RGS7: variants seen among roughly 807,000 people sequenced by gnomAD.
RGS7 encodes the protein regulator of G-protein signaling 7.
RGS7 carries 27 observed loss-of-function variants against 81.1 expected under a neutral mutation model. The observed-to-expected ratio is 0.33, with a 90% CI of 0.25 to 0.46. The LOEUF is 0.46. Ranked by LOEUF, RGS7 falls within the 20% of genes least tolerant of loss-of-function variation. The pLI, the probability that RGS7 is intolerant of heterozygous loss-of-function variation, is 1.00. For synonymous variants in RGS7, 208 were observed against 207.7 expected (o/e 1.00, Z -0.01); for missense variants, 396 against 607.4 (o/e 0.65, Z 3.66).
intron 2 of RGS7, among the ~76,000 whole-genome samples, chr1:241,292,827 A>G (rs943837545): frequency 1.3e-5 from 2 of 152,258 alleles, no homozygotes; most frequent in African/African-American, 2.4e-5. Flanking sequence ...GATAGCACAG[A>G]AACAATTATT....
chr1:240,811,280 C>A (rs929591296), intron 14 of RGS7, among the ~76,000 whole-genome samples: 1 of 152,198 alleles, frequency 6.6e-6, no homozygotes, highest in African/African-American at 2.4e-5. Flanking sequence ...AAAATCCACT[C>A]TAATGTCTTA....
At chr1:240,798,160 AAC>A (rs1406419964) in intron 18 of RGS7, among the ~76,000 whole-genome samples, 1 of 152,152 alleles carries the variant, frequency 6.6e-6, no homozygotes, top group Non-Finnish European at 1.5e-5. Context: ...TGTGCATGCA[AAC>A]AATGACCAAA....
chr1:240,872,891 AGATGCT>A (rs1664739040), intron 6 of RGS7, among the ~76,000 whole-genome samples: 1 of 152,098 alleles, frequency 6.6e-6, no homozygotes, highest in Admixed American at 6.6e-5. Flanking sequence ...AGTGTGGCCA[AGATGCT>A]GAAACCTCGT....
chr1:240,813,930 T>G (rs1247705763), intron 12 of RGS7, among the ~76,000 whole-genome samples: 1 of 152,182 alleles, frequency 6.6e-6, no homozygotes, highest in Admixed American at 6.5e-5. Flanking sequence ...TGGCTAAAGA[T>G]TCCATCTCTA....
At chr1:241,137,734 G>C (rs776745458) in intron 2 of RGS7, among the ~76,000 whole-genome samples, 9 of 152,200 alleles carry the variant, frequency 5.9e-5, no homozygotes, top group Non-Finnish European at 1.2e-4. Flanking sequence ...GCAATGGCAG[G>C]AGTATCTATA....
At chr1:241,356,473 A>C (rs2083579450) in intron 1 of RGS7, among the ~76,000 whole-genome samples, 1 of 152,128 alleles carries the variant, frequency 6.6e-6, no homozygotes, top group African/African-American at 2.4e-5. Flanking sequence ...AATCCTGCCT[A>C]ATTTTTGCAA....
At chr1:240,937,092 C>T (rs971973759) in intron 4 of RGS7, among the ~76,000 whole-genome samples, 1 of 152,170 alleles carries the variant, frequency 6.6e-6, no homozygotes, top group Non-Finnish European at 1.5e-5. Context: ...AACGGACAGC[C>T]TCTCCCTTCC....
intron 6 of RGS7, among the ~76,000 whole-genome samples, chr1:240,882,204 C>G (rs749711620): frequency 6.6e-6 from 1 of 152,154 alleles, no homozygotes; most frequent in Non-Finnish European, 1.5e-5. Flanking sequence ...CATGAGCCAC[C>G]GTGCCCGGCC....
At chr1:240,800,299 G>C (rs1273075205) in intron 18 of RGS7, among the ~76,000 whole-genome samples, 1 of 152,032 alleles carries the variant, frequency 6.6e-6, no homozygotes, top group Non-Finnish European at 1.5e-5. Context: ...TTAATTCCTG[G>C]AGTCCATCAT....
intron 3 of RGS7, among the ~76,000 whole-genome samples, chr1:241,033,385 T>C (rs1441717827): frequency 6.6e-6 from 1 of 151,932 alleles, no homozygotes; most frequent in Non-Finnish European, 1.5e-5. Flanking sequence ...GGGAGGAAAG[T>C]TCCATAGGCA....
At chr1:241,019,014 G>A (rs78079646) in intron 3 of RGS7, among the ~76,000 whole-genome samples, 1,577 of 152,166 alleles carry the variant, frequency 0.01, 23 homozygotes, top group African/African-American at 0.036. Context: ...CCCTGCGAAG[G>A]CCATGAGGGG....
intron 2 of RGS7, among the ~76,000 whole-genome samples, chr1:241,189,928 C>G (rs1023252756): frequency 4.6e-5 from 7 of 151,772 alleles, no homozygotes; most frequent in East Asian, 3.9e-4. Context: ...ACGGTGAAAC[C>G]CCGTCTCTAC....
chr1:241,012,384 G>A (rs1050490945), intron 3 of RGS7, among the ~76,000 whole-genome samples: 2 of 152,104 alleles, frequency 1.3e-5, no homozygotes, highest in Non-Finnish European at 2.9e-5. Context: ...TGCAAGAAAA[G>A]GAAGGCAGAG....
chr1:241,244,339 C>T (rs989947827), intron 2 of RGS7, among the ~76,000 whole-genome samples: 5 of 152,154 alleles, frequency 3.3e-5, no homozygotes, highest in Middle Eastern at 3.4e-3. Context: ...TTTATGCAGC[C>T]AAAAGACACA....
intron 2 of RGS7, among the ~76,000 whole-genome samples, chr1:241,206,960 GTTTTTTTTTTT>G (rs67087891): frequency 4.1e-4 from 29 of 70,708 alleles, no homozygotes; most frequent in Non-Finnish European, 6.2e-4. Flanking sequence ...TCTCTCTCTG[GTTTTTTTTTTT>G]TTTTTTTTTT....
In RGS7 at chr1:241,320,961, T is replaced by C. The variant is rs532412338; in HGVS notation, c.78+34738A>G. 9.2e-5 allele frequency among the ~76,000 whole-genome samples: 14 copies of C among 152,348 alleles called. No homozygotes were observed. The South Asian group carries it at 2.7e-3, about 29-fold the overall frequency. ...TCATCAATGTAAATACCCAATGTTA[T>C]GTGATTAGAATGGGCATAAAAAATA... is the stretch of plus-strand genomic sequence containing the variant. On this transcript the variant is annotated intron_variant, in intron 2 of 18. Transcript: ENST00000440928.
At chr1:241,307,247 CTCCCTCCTAATGAATT>C (rs2080233008) in intron 2 of RGS7, among the ~76,000 whole-genome samples, 1 of 152,156 alleles carries the variant, frequency 6.6e-6, no homozygotes, top group East Asian at 1.9e-4. Context: ...TCTCTTTCTA[CTCCCTCCTAATGAATT>C]TAAGTGTTTG....
chr1:240,948,344 C>G (rs1346289477), intron 4 of RGS7, among the ~76,000 whole-genome samples: 1 of 152,008 alleles, frequency 6.6e-6, no homozygotes, highest in Non-Finnish European at 1.5e-5. Context: ...AATATGAGAG[C>G]GGAAATGGAT....
intron 3 of RGS7, among the ~76,000 whole-genome samples, chr1:241,087,150 G>A (rs1475546074): frequency 2.6e-5 from 4 of 152,116 alleles, no homozygotes; most frequent in Admixed American, 2.0e-4. Context: ...GCTCCTGAAC[G>A]ATGTTTAATT....
Sources: gnomAD v4.1 joint callset for allele counts (sites outside exome capture counted in the v4.1 genomes callset) on GRCh38, gnomAD v4.1.1 for gene constraint, MANE v1.5 for transcripts, NCBI Gene and HGNC (gene_info 2026-07-23, HGNC 2026-07-21) for gene names.